Variants in TELO2 observed in about 807,000 individuals in gnomAD.
TELO2 encodes telomere maintenance 2, also known as telomere length regulation protein TEL2 homolog.
Under a neutral mutation model 91.0 loss-of-function variants are expected in TELO2, and 71 were observed. The ratio of observed to expected loss-of-function variants is 0.78; its 90% CI spans 0.64 to 0.95. TELO2 has a LOEUF of 0.95. Ranked by LOEUF, TELO2 falls within the 40% of genes least tolerant of loss-of-function variation. The pLI, the probability that TELO2 is intolerant of heterozygous loss-of-function variation, is 0.00. For synonymous variants in TELO2, 584 were observed against 518.9 expected (o/e 1.13, Z -1.71); for missense variants, 1,183 against 1,141.3 (o/e 1.04, Z -0.53).
chr16:1,507,290 C>T lies in TELO2; in HGVS notation c.2227-16C>T. ...GGCGTCGGGACCCCACTGACTGTCCCTCTGCTGGTGTCCAGGTGGCTGTGG... is the reference window on the plus strand; with the variant it reads ...GGCGTCGGGACCCCACTGACTGTCCTTCTGCTGGTGTCCAGGTGGCTGTGG... On this transcript the variant is annotated splice_polypyrimidine_tract_variant and intron_variant, in intron 18 of 20. Transcript: ENST00000262319. 1 of 1,607,022 alleles carries T rather than the reference C, an allele frequency of 6.2e-7. No individual in the cohort carries two copies. Among genetic ancestry groups the T allele is most frequent in the Non-Finnish European group, 8.5e-7 (1 of 1,179,818 alleles).
chr16:1,506,670 G>A (rs940599657), intron 17 of TELO2: 6 of 1,373,702 alleles, frequency 4.4e-6, no homozygotes, highest in Non-Finnish European at 5.6e-6. Flanking sequence ...CAGGGCGTGA[G>A]GCTCTCGAGA....
Position 1,507,368 on chromosome 16 carries a change from T to C in TELO2, c.2289T>C (p.Asp763=), listed in dbSNP as rs1471917352. Residue 763 remains aspartate, a splice_region_variant and synonymous_variant, in exon 19 of 21, where the codon GAT becomes GAC. Coordinates refer to ENST00000262319, the MANE Select transcript of TELO2 (RefSeq NM_016111.4). ...TGTGGGCCCTTCGCTTCCACATCGA[T>C]GCGTGAGTGGCCTGTGGGGCTGGGC... is the stretch of plus-strand genomic sequence containing the variant. ...EFVWALRFHI[D]AYVRQGLLSA... The C allele has an allele frequency of 6.2e-7, 1 of 1,610,618 alleles. No homozygotes were observed. Among genetic ancestry groups the C allele is most frequent in the South Asian group, 1.1e-5 (1 of 91,040 alleles).
chr16:1,505,450 G>T lies in TELO2; in HGVS notation c.1883G>T (p.Cys628Phe). 1 of 1,613,112 alleles carries T rather than the reference G, an allele frequency of 6.2e-7. No individual in the cohort carries two copies. The highest frequency in any genetic ancestry group is 8.5e-7 in the Non-Finnish European group (1 of 1,180,000). Residue 628 changes from cysteine to phenylalanine, a missense_variant, in exon 16 of 21, where the codon TGC becomes TTC. Coordinates refer to ENST00000262319, the MANE Select transcript of TELO2 (RefSeq NM_016111.4). The surrounding 1 kb of genome is among the most constrained non-coding windows in gnomAD (Gnocchi z 4.3). The stretch of plus-strand genomic sequence containing the variant: ...GCCCAGGAGCTGTCTAGGCCTGGGT[G>T]CCTCGGGAGGACTCCCCAACCTGGC... Reference protein sequence around the residue: ...LAAQELSRPGCLGRTPQPGSP... With the variant: ...LAAQELSRPGFLGRTPQPGSP...
rs1249865561 is a variant in TELO2 at position 1,505,368 on chromosome 16, C to T, written c.1843-42C>T. 1.3e-6 allele frequency: 2 copies of T among 1,581,672 alleles called. No individual in the cohort carries two copies. The highest frequency in any genetic ancestry group is 1.7e-6 in the Non-Finnish European group (2 of 1,159,068). Reference sequence around the variant, plus strand: ...GACTTGACTCTTGGGAAATGTTCTTCCCTGGAGCAGTGGCGACGGCCCTGG... The same window carrying T: ...GACTTGACTCTTGGGAAATGTTCTTTCCTGGAGCAGTGGCGACGGCCCTGG... On this transcript the variant is annotated intron_variant, in intron 15 of 20. Coordinates refer to ENST00000262319, the MANE Select transcript of TELO2 (RefSeq NM_016111.4). The surrounding 1 kb of genome is among the most constrained non-coding windows in gnomAD (Gnocchi z 4.3).
chr16:1,494,021 G>C lies in TELO2; in HGVS notation c.-36-225G>C, dbSNP rs1261426080. ...CAACTGAGAATGTTCCCTGGGCACA[G>C]TGGCCCGGGTTGAGAAGCCCTGCAG... On this transcript the variant is annotated intron_variant, in intron 1 of 20. Coordinates refer to ENST00000262319, the MANE Select transcript of TELO2 (RefSeq NM_016111.4). The surrounding 1 kb of genome is among the most constrained non-coding windows in gnomAD (Gnocchi z 5.6). 6.6e-6 allele frequency among the ~76,000 whole-genome samples: 1 copy of C among 152,226 alleles called. No homozygotes were observed. Among genetic ancestry groups the C allele is most frequent in the African/African-American group, 2.4e-5 (1 of 41,466 alleles).
At chr16:1,496,103 C>T (rs1448903986) in intron 3 of TELO2, among the ~76,000 whole-genome samples, 1 of 152,238 alleles carries the variant, frequency 6.6e-6, no homozygotes, top group Non-Finnish European at 1.5e-5. Flanking sequence ...GCACCCGGAG[C>T]GTCTGCCTCT....
intron 20 of TELO2, among the ~76,000 whole-genome samples, chr16:1,509,336 C>A (rs984606712): frequency 1.3e-5 from 2 of 152,122 alleles, no homozygotes; most frequent in Non-Finnish European, 2.9e-5. Context: ...GCCAGCAGAG[C>A]CCCCCCAAGG....
intron 17 of TELO2, 85 bp downstream of exon 17, chr16:1,506,414 C>A: frequency 1.2e-6 from 2 of 1,609,284 alleles, no homozygotes; most frequent in East Asian, 2.2e-5. Context: ...GGGCTGGGAT[C>A]TGAGTGGGTT....
At chr16:1,509,073 TG>T (rs1398379638) in intron 20 of TELO2, among the ~76,000 whole-genome samples, 1 of 133,194 alleles carries the variant, frequency 7.5e-6, no homozygotes, top group Non-Finnish European at 1.6e-5. Context: ...TGGGGCTGGG[TG>T]GGCGGGCACA....
intron 16 of TELO2, 157 bp from the exon 17 acceptor site, chr16:1,506,081 C>G: frequency 1.3e-6 from 1 of 766,010 alleles, no homozygotes; most frequent in Non-Finnish European, 2.1e-6. Context: ...GTCACCAACC[C>G]CATGGGGCCT....
In TELO2 at chr16:1,510,159, T is replaced by C. The variant is rs1253521033; in HGVS notation, c.*223T>C. 1 of 547,880 alleles carries C rather than the reference T, an allele frequency of 1.8e-6. No individual in the cohort carries two copies. The highest frequency in any genetic ancestry group is 3.2e-5 in the East Asian group (1 of 31,440). The allele number at this position is 547,880 out of a possible 1,614,324, so 33.9% of individuals were successfully genotyped here. ...CACTGCCCGCCGGGACATGGCAGCC[T>C]GGACGTGGGGCTGGGGCTGTGGGCG... On this transcript the variant is annotated 3_prime_UTR_variant, in exon 21 of 21. Coordinates refer to ENST00000262319, the MANE Select transcript of TELO2 (RefSeq NM_016111.4).
chr16:1,497,342 C>T lies in TELO2; in HGVS notation c.683-19C>T. ...TGGGTGCAGCTCCCCAGGCTCAGGT[C>T]CTCCGTCTGTCCCCTCAGAGGAGAT... On this transcript the variant is annotated intron_variant, in intron 4 of 20. Coordinates refer to ENST00000262319, the MANE Select transcript of TELO2 (RefSeq NM_016111.4). This position sits in a 1 kb window ranked among gnomAD's most constrained non-coding sequence, Gnocchi z 4.0. 1.3e-6 allele frequency: 2 copies of T among 1,531,586 alleles called. No individual in the cohort carries two copies. The highest frequency in any genetic ancestry group is 1.8e-6 in the Non-Finnish European group (2 of 1,135,494). 94.9% of individuals were successfully genotyped at this position (1,531,586 alleles called of 1,614,324 possible). A position where few individuals can be genotyped will look rare whatever the true frequency, so the allele number is the denominator to read the frequency against.
chr16:1,510,043 CGCATCCGGTACGGAGAGT>C lies in TELO2; in HGVS notation c.*111_*128del. 3 of 949,524 alleles carry C rather than the reference CGCATCCGGTACGGAGAGT, an allele frequency of 3.2e-6. No homozygotes were observed. In the South Asian group the frequency reaches 4.5e-5, roughly 14 times the overall value. The allele number at this position is 949,524 out of a possible 1,614,324, so 58.8% of individuals were successfully genotyped here. On this transcript the variant is annotated 3_prime_UTR_variant, in exon 21 of 21. Coordinates refer to ENST00000262319, the MANE Select transcript of TELO2 (RefSeq NM_016111.4). ...TTTGTAGCGAGGCCAGGTCTTCGGC[CGCATCCGGTACGGAGAGT>C]GCAGATGCAGGAAGGCCCGGCCTGC... is the stretch of plus-strand genomic sequence containing the variant.
Position 1,502,071 on chromosome 16 carries a change from C to T in TELO2, c.1497C>T (p.Asp499=), listed in dbSNP as rs1944901027. Residue 499 remains aspartate (D), a synonymous_variant, in exon 12 of 21, where the codon GAC becomes GAT. Coordinates refer to ENST00000262319, the MANE Select transcript of TELO2 (RefSeq NM_016111.4). Reference sequence around the variant, plus strand: ...GCGATGATGAGTTTGTCCCCTACGACATGTCGGGGGACAGAGAGCTGAAGA... The same window carrying T: ...GCGATGATGAGTTTGTCCCCTACGATATGTCGGGGGACAGAGAGCTGAAGA... The part of the protein sequence containing the change: ...LDSDDEFVPY[D]MSGDRELKSS... 1.9e-6 allele frequency: 3 copies of T among 1,613,346 alleles called. No homozygotes were observed. Among genetic ancestry groups the T allele is most frequent in the Non-Finnish European group, 2.5e-6 (3 of 1,179,992 alleles).
At chr16:1,496,920 G>A in intron 3 of TELO2, 116 bp from the exon 4 acceptor site, 1 of 996,294 alleles carries the variant, frequency 1.0e-6, no homozygotes, top group Non-Finnish European at 1.5e-6. Flanking sequence ...CCGTTGTTTT[G>A]AGTGAGTTTT....
chr16:1,502,285 G>A (rs2141047145), intron 12 of TELO2, 28 bp from the exon 13 acceptor site: 1 of 1,581,972 alleles, frequency 6.3e-7, no homozygotes. Flanking sequence ...GGCTGAGGCT[G>A]ACCGAGGCCT....
At chr16:1,498,827 C>T (rs970759921) in intron 5 of TELO2, among the ~76,000 whole-genome samples, 37 of 152,288 alleles carry the variant, frequency 2.4e-4, no homozygotes, top group African/African-American at 7.9e-4. Context: ...AACCTCTCAC[C>T]GGGAGGACTC....
At chr16:1,509,109 C>A (rs1438997680) in intron 20 of TELO2, among the ~76,000 whole-genome samples, 1 of 152,188 alleles carries the variant, frequency 6.6e-6, no homozygotes, top group East Asian at 1.9e-4. Flanking sequence ...TGGCCCACCT[C>A]CTTCCCCAGA....
At chr16:1,507,780 GT>G in intron 20 of TELO2, 64 bp downstream of exon 20, 1 of 1,284,030 alleles carries the variant, frequency 7.8e-7, no homozygotes, top group African/African-American at 1.5e-5. Context: ...GTGTATGTGT[GT>G]GTGTGTGTGT....
Sources: allele counts gnomAD v4.1 joint callset (sites outside exome capture counted in the v4.1 genomes callset), GRCh38; gene constraint gnomAD v4.1.1; non-coding constraint Gnocchi (gnomAD v3.1); transcripts MANE v1.5; gene names NCBI Gene and HGNC (gene_info 2026-07-23, HGNC 2026-07-21).